WDPCP: variants seen among roughly 807,000 people sequenced by gnomAD.
WDPCP encodes the protein WD repeat-containing and planar cell polarity effector protein fritz homolog.
WDPCP carries 71 observed loss-of-function variants against 93.1 expected under a neutral mutation model. The ratio of observed to expected loss-of-function variants is 0.76; its 90% CI spans 0.63 to 0.93. The LOEUF (loss-of-function observed/expected upper bound fraction) is 0.93. WDPCP is among the 40% of genes least tolerant of loss of function. The pLI is 0.00. For synonymous variants in WDPCP, 315 were observed against 315.0 expected (o/e 1.00, Z 0.00); for missense variants, 844 against 887.4 (o/e 0.95, Z 0.62).
intron 13 of WDPCP, among the ~76,000 whole-genome samples, chr2:63,268,622 C>T (rs1290433478): frequency 6.6e-6 from 1 of 151,994 alleles, no homozygotes; most frequent in Admixed American, 6.6e-5. Flanking sequence ...CATGCCACCC[C>T]ACTTGGCTAG....
chr2:63,595,350 C>A, intron 3 of WDPCP: 1 of 931,990 alleles, frequency 1.1e-6, no homozygotes, highest in Non-Finnish European at 1.8e-6. Context: ...CAAATAAAAA[C>A]TATGTGAAAA....
chr2:63,552,857 A>G (rs1705784896), intron 1 of WDPCP, among the ~76,000 whole-genome samples: 2 of 152,252 alleles, frequency 1.3e-5, no homozygotes, highest in Admixed American at 1.3e-4. Flanking sequence ...CAGAGATAAG[A>G]GAATCACACA....
Position 63,237,609 on chromosome 2 carries a change from T to G in WDPCP, c.1915+21698A>C, listed in dbSNP as rs550894512. Among the ~76,000 whole-genome samples, 10 of 152,264 alleles carry G rather than the reference T, an allele frequency of 6.6e-5. No homozygotes were observed. The East Asian group carries it at 1.7e-3, about 26-fold the overall frequency. On this transcript the variant is annotated intron_variant, in intron 14 of 17. Coordinates refer to ENST00000272321, the MANE Select transcript of WDPCP (RefSeq NM_015910.7). Reference sequence around the variant, plus strand: ...AATGGTGAACTGGATAATGAAAATGTGGTACATATACACCATGGAATACTA... The same window carrying G: ...AATGGTGAACTGGATAATGAAAATGGGGTACATATACACCATGGAATACTA...
At chr2:63,800,585 A>G (rs747666506) in intron 2 of WDPCP, among the ~76,000 whole-genome samples, 24 of 152,230 alleles carry the variant, frequency 1.6e-4, no homozygotes, top group Non-Finnish European at 2.6e-4. Context: ...TCTGGGGAAT[A>G]TAACTCCAGG....
At chr2:63,360,964 C>T (rs1353836864) in intron 12 of WDPCP, among the ~76,000 whole-genome samples, 2 of 152,166 alleles carry the variant, frequency 1.3e-5, no homozygotes, top group Non-Finnish European at 1.5e-5. Flanking sequence ...TGATAAATGT[C>T]AGTTATCTGG....
chr2:63,372,517 A>G (rs1691480578), intron 12 of WDPCP, among the ~76,000 whole-genome samples: 1 of 152,198 alleles, frequency 6.6e-6, no homozygotes, highest in Admixed American at 6.5e-5. Context: ...GTCAATTTAT[A>G]TAAATGTTTA....
At chr2:63,467,060 C>T (rs909022699) in intron 6 of WDPCP, among the ~76,000 whole-genome samples, 2 of 152,130 alleles carry the variant, frequency 1.3e-5, no homozygotes, top group African/African-American at 2.4e-5. Context: ...GTTGCAAAAT[C>T]GGGTAAATAT....
At chr2:63,588,822 C>T (rs1709069007), upstream of WDPCP, 2 of 603,658 alleles carry the variant, frequency 3.3e-6, no homozygotes, top group African/African-American at 1.9e-5. Context: ...AAAAAAACCT[C>T]TGGTATCGGG....
intron 14 of WDPCP, among the ~76,000 whole-genome samples, chr2:63,236,900 T>A (rs1679445457): frequency 6.6e-6 from 1 of 152,142 alleles, no homozygotes; most frequent in South Asian, 2.1e-4. Flanking sequence ...GAAATACTCT[T>A]GTGGAAATTG....
chr2:63,546,653 A>G (rs745543825), intron 1 of WDPCP, among the ~76,000 whole-genome samples: 4 of 152,238 alleles, frequency 2.6e-5, no homozygotes, highest in Non-Finnish European at 5.9e-5. Flanking sequence ...TCAAATGCAC[A>G]GCATAAGCAA....
chr2:63,597,585 C>G (rs776746724), intron 3 of WDPCP: 5 of 1,358,776 alleles, frequency 3.7e-6, no homozygotes, highest in Non-Finnish European at 4.8e-6. Context: ...GTGACCAATG[C>G]TGTATTTTAT....
intron 14 of WDPCP, among the ~76,000 whole-genome samples, chr2:63,241,455 A>G (rs919508173): frequency 1.3e-5 from 2 of 152,218 alleles, no homozygotes; most frequent in African/African-American, 4.8e-5. Context: ...TTATAGAATT[A>G]AAAACTGCTT....
At chr2:63,442,111 A>T (rs1444965164) in intron 6 of WDPCP, 3 of 152,084 alleles carry the variant, frequency 2.0e-5, no homozygotes, top group African/African-American at 7.2e-5. Context: ...CACCCCAATT[A>T]TTCTTCAGTA....
chr2:63,383,185 CAA>C (rs1692458275), intron 10 of WDPCP, among the ~76,000 whole-genome samples: 1 of 151,812 alleles, frequency 6.6e-6, no homozygotes, highest in Admixed American at 6.6e-5. Flanking sequence ...TACAAAAAAG[CAA>C]AGATATGAAT....
chr2:63,402,883 A>G (rs1392440737), intron 10 of WDPCP, among the ~76,000 whole-genome samples: 1 of 152,260 alleles, frequency 6.6e-6, no homozygotes, highest in Non-Finnish European at 1.5e-5. Flanking sequence ...TTCCTCAAAG[A>G]GCTAAAAGCA....
intron 1 of WDPCP, among the ~76,000 whole-genome samples, chr2:63,500,910 T>A (rs1026154670): frequency 1.2e-4 from 19 of 152,182 alleles, no homozygotes; most frequent in African/African-American, 4.3e-4. Flanking sequence ...CTAGCTCCCT[T>A]AGTGACATTT....
At chr2:63,549,934 T>C (rs1446111105) in intron 1 of WDPCP, among the ~76,000 whole-genome samples, 1 of 152,080 alleles carries the variant, frequency 6.6e-6, no homozygotes, top group Non-Finnish European at 1.5e-5. Flanking sequence ...GCAGTAATAA[T>C]GTGCTCACTC....
chr2:63,332,579 G>A (rs989159967), intron 12 of WDPCP, among the ~76,000 whole-genome samples: 8 of 151,730 alleles, frequency 5.3e-5, no homozygotes, highest in South Asian at 2.1e-4. Context: ...TTTTTATTGC[G>A]TTATCTTACT....
chr2:63,484,502 A>G (rs1558695786), intron 6 of WDPCP, 102 bp downstream of exon 6: 4 of 1,363,558 alleles, frequency 2.9e-6, no homozygotes, highest in Non-Finnish European at 4.1e-6. Flanking sequence ...CACTGCTAAA[A>G]AAGTTTTTGT....
Sources: gnomAD v4.1 joint callset for allele counts (sites outside exome capture counted in the v4.1 genomes callset) on GRCh38, gnomAD v4.1.1 for gene constraint, MANE v1.5 for transcripts, NCBI Gene and HGNC (gene_info 2026-07-23, HGNC 2026-07-21) for gene names.